Variants in SPECC1 observed in about 807,000 individuals in gnomAD.
SPECC1 encodes the protein sperm antigen with calponin homology and coiled-coil domains 1, also known as cytospin-B.
SPECC1 carries 62 observed loss-of-function variants against 104.1 expected under a neutral mutation model. The observed-to-expected ratio is 0.60, with a 90% CI of 0.49 to 0.74. SPECC1 has a LOEUF of 0.74. Ranked by LOEUF, SPECC1 falls within the 30% of genes least tolerant of loss-of-function variation. The probability of loss-of-function intolerance (pLI) is 0.00; values close to 1 mark genes in which losing one functional copy is unlikely to be tolerated. For synonymous variants in SPECC1, 513 were observed against 501.6 expected, an observed-to-expected ratio of 1.02 and a Z score of -0.30; for missense variants, 1,306 against 1,310.5, an observed-to-expected ratio of 1.00 and a Z score of 0.05.
Position 20,180,115 on chromosome 17 carries a change from G to A in SPECC1, c.284-24218G>A, listed in dbSNP as rs189048151. ...ACTACTAACCAAGTAGTAAAACATA[G>A]TATTCCCAAAATAACAGGGATCAAG... On this transcript the variant is annotated intron_variant, in intron 3 of 14. Transcript: ENST00000395527. Among the ~76,000 whole-genome samples, 5 of 152,314 alleles carry A rather than the reference G, an allele frequency of 3.3e-5. No individual in the cohort carries two copies. In the East Asian group the frequency reaches 9.6e-4, roughly 29 times the overall value.
At chr17:20,152,134 C>G (rs564252832) in intron 3 of SPECC1, among the ~76,000 whole-genome samples, 1 of 151,536 alleles carries the variant, frequency 6.6e-6, no homozygotes, top group African/African-American at 2.4e-5. Flanking sequence ...AACCCCATCT[C>G]TACAAAAATA....
intron 3 of SPECC1, among the ~76,000 whole-genome samples, chr17:20,120,837 A>G (rs183440671): frequency 6.6e-6 from 1 of 152,250 alleles, no homozygotes; most frequent in Admixed American, 6.5e-5. Flanking sequence ...GTCCTCAGGG[A>G]GAATCCCTGA....
At chr17:20,077,486 A>G (rs2046805624) in intron 1 of SPECC1, among the ~76,000 whole-genome samples, 1 of 149,738 alleles carries the variant, frequency 6.7e-6, no homozygotes, top group African/African-American at 2.5e-5. Context: ...TTTGTTTTTG[A>G]GATGGAGTTT....
At chr17:20,174,247 C>T (rs924066815) in intron 3 of SPECC1, among the ~76,000 whole-genome samples, 2 of 151,428 alleles carry the variant, frequency 1.3e-5, no homozygotes, top group African/African-American at 4.9e-5. Context: ...AAGTTTTGAC[C>T]CCTGTTTAAA....
At chr17:20,266,380 G>A (rs1037108755) in intron 12 of SPECC1, among the ~76,000 whole-genome samples, 1 of 151,792 alleles carries the variant, frequency 6.6e-6, no homozygotes, top group African/African-American at 2.4e-5. Context: ...TCGGGAGATC[G>A]ACACCATCCT....
intron 1 of SPECC1, among the ~76,000 whole-genome samples, chr17:20,077,193 C>G (rs1319214505): frequency 6.6e-6 from 1 of 152,064 alleles, no homozygotes; most frequent in Admixed American, 6.5e-5. Context: ...GATCTAAGTT[C>G]TCTGCTTTTA....
chr17:20,082,103 C>A (rs2046997226), intron 1 of SPECC1, among the ~76,000 whole-genome samples: 1 of 152,188 alleles, frequency 6.6e-6, no homozygotes, highest in African/African-American at 2.4e-5. Flanking sequence ...CCATTTTGCA[C>A]AACTTCCACC....
At position 20,315,546 on chromosome 17, in the gene SPECC1, C is replaced by T. The variant is rs2042030126; in HGVS notation, c.*1481C>T. On this transcript the variant is annotated 3_prime_UTR_variant, in exon 15 of 15. Coordinates refer to ENST00000395527, the MANE Select transcript of SPECC1 (RefSeq NM_001243439.2). ...AAGTGCCAAATAGCGTGTTAGCGCC[C>T]CTCCAACAAAGGATCATCCTTCCAG... is the stretch of plus-strand genomic sequence containing the variant. 1 of 232,838 alleles carries T rather than the reference C, an allele frequency of 4.3e-6. No individual in the cohort carries two copies. The highest frequency in any genetic ancestry group is 5.6e-5 in the Admixed American group (1 of 17,770). The allele number at this position is 232,838 out of a possible 1,614,324, so 14.4% of individuals were successfully genotyped here. A position where few individuals can be genotyped will look rare whatever the true frequency, so the allele number is the denominator to read the frequency against.
rs531498420 is a variant in SPECC1, at chr17:20,143,527, T to C, written c.283+32965T>C. Among the ~76,000 whole-genome samples the C allele has an allele frequency of 2.5e-4, 38 of 149,452 alleles. No homozygotes were observed. The South Asian group carries it at 7.9e-3, about 31-fold the overall frequency. On this transcript the variant is annotated intron_variant, in intron 3 of 14. Coordinates refer to ENST00000395527, the MANE Select transcript of SPECC1 (RefSeq NM_001243439.2). ...AGTGAAACCCTGTCTCTACTAAAAA[T>C]ACAAAATTTAGCTGGGCATGGTGGC...
At chr17:20,227,760 A>G (rs1194550694) in intron 5 of SPECC1, 140 bp downstream of exon 5, 28 of 745,518 alleles carry the variant, frequency 3.8e-5, no homozygotes, top group Admixed American at 3.5e-4. Context: ...TACTAAAAAT[A>G]CAAAATTAGC....
At chr17:20,026,801 G>A (rs1309967266) in intron 1 of SPECC1, among the ~76,000 whole-genome samples, 2 of 152,128 alleles carry the variant, frequency 1.3e-5, no homozygotes, top group Non-Finnish European at 2.9e-5. Flanking sequence ...TAAATACCCA[G>A]TAGTAGGGTT....
At chr17:20,258,751 G>C (rs1315853041) in intron 11 of SPECC1, among the ~76,000 whole-genome samples, 1 of 152,188 alleles carries the variant, frequency 6.6e-6, no homozygotes, top group East Asian at 1.9e-4. Context: ...TCCAAATACT[G>C]CTTCTCCTTC....
chr17:20,101,745 G>T (rs1453383535), intron 2 of SPECC1, among the ~76,000 whole-genome samples: 1 of 152,154 alleles, frequency 6.6e-6, no homozygotes, highest in East Asian at 1.9e-4. Flanking sequence ...AGATCCTAAG[G>T]CTCCCATGTC....
intron 4 of SPECC1, among the ~76,000 whole-genome samples, chr17:20,221,335 G>T (rs149388029): frequency 1.3e-5 from 2 of 151,964 alleles, no homozygotes; most frequent in Non-Finnish European, 2.9e-5. Context: ...CTTTTATCTC[G>T]TTACTTGTTA....
intron 7 of SPECC1, chr17:20,238,958 A>G: frequency 3.8e-6 from 4 of 1,039,794 alleles, no homozygotes; most frequent in South Asian, 4.6e-5. Flanking sequence ...TTTGTTCTAC[A>G]TTTTTTTCTG....
chr17:20,116,302 A>G (rs965575816), intron 3 of SPECC1, among the ~76,000 whole-genome samples: 2 of 151,836 alleles, frequency 1.3e-5, no homozygotes, highest in Non-Finnish European at 2.9e-5. Context: ...GTTAGCCAGG[A>G]TGGTCTCGAT....
chr17:20,131,705 A>C (rs2049644892), intron 3 of SPECC1, among the ~76,000 whole-genome samples: 1 of 142,188 alleles, frequency 7.0e-6, no homozygotes, highest in Admixed American at 7.5e-5. Flanking sequence ...GCTGGAGTGC[A>C]GTGGCACAAT....
intron 1 of SPECC1, among the ~76,000 whole-genome samples, chr17:20,034,697 C>G (rs1158558879): frequency 6.6e-6 from 1 of 151,344 alleles, no homozygotes; most frequent in Non-Finnish European, 1.5e-5. Context: ...CCTCTGCCCC[C>G]CGGGTTCAAG....
chr17:20,145,682 G>A (rs1196908432), intron 3 of SPECC1, among the ~76,000 whole-genome samples: 1 of 152,184 alleles, frequency 6.6e-6, no homozygotes, highest in Non-Finnish European at 1.5e-5. Flanking sequence ...TCACTAGCAA[G>A]GAAAATGGAA....
Sources: allele counts gnomAD v4.1 joint callset (sites outside exome capture counted in the v4.1 genomes callset), GRCh38; gene constraint gnomAD v4.1.1; transcripts MANE v1.5; gene names NCBI Gene and HGNC (gene_info 2026-07-23, HGNC 2026-07-21).